GRM8: variants seen among roughly 807,000 people sequenced by gnomAD.
GRM8 encodes the protein metabotropic glutamate receptor 8.
In GRM8, 47 loss-of-function variants were observed where a neutral mutation model predicts 87.2. The ratio of observed to expected loss-of-function variants is 0.54; its 90% CI spans 0.43 to 0.69. The LOEUF (loss-of-function observed/expected upper bound fraction) is 0.69. GRM8 is among the 30% of genes least tolerant of loss of function. The pLI is 0.00. For synonymous variants in GRM8, 396 were observed against 404.5 expected (o/e 0.98, Z 0.25); for missense variants, 1,019 against 1,139.2 (o/e 0.89, Z 1.52).
At chr7:126,603,713 G>A (rs995362688) in intron 8 of GRM8, among the ~76,000 whole-genome samples, 3 of 152,036 alleles carry the variant, frequency 2.0e-5, no homozygotes, top group Non-Finnish European at 4.4e-5. Flanking sequence ...TTCATAGGGT[G>A]AATATGTGTG....
intron 3 of GRM8, among the ~76,000 whole-genome samples, chr7:126,954,249 A>T (rs1048501432): frequency 2.0e-5 from 3 of 152,142 alleles, no homozygotes; most frequent in African/African-American, 7.2e-5. Flanking sequence ...CTGAGGAGTT[A>T]AAAAGGCAGC....
intron 2 of GRM8, among the ~76,000 whole-genome samples, chr7:127,173,061 T>C (rs939796698): frequency 7.2e-5 from 11 of 152,176 alleles, no homozygotes; most frequent in Admixed American, 2.6e-4. Flanking sequence ...AAATAACTAT[T>C]AACCATCTAC....
intron 3 of GRM8, among the ~76,000 whole-genome samples, chr7:126,954,427 A>G (rs1035084215): frequency 3.0e-4 from 45 of 152,132 alleles, no homozygotes; most frequent in Non-Finnish European, 2.6e-4. Context: ...TAGGGTTGCT[A>G]AGTCTAGCAA....
At chr7:127,039,133 T>C (rs1297914523) in intron 3 of GRM8, among the ~76,000 whole-genome samples, 1 of 152,194 alleles carries the variant, frequency 6.6e-6, no homozygotes, top group Non-Finnish European at 1.5e-5. Context: ...AGTAGTTTAG[T>C]AGGTGTTATG....
chr7:127,223,601 C>A (rs1036698980), intron 2 of GRM8, among the ~76,000 whole-genome samples: 3 of 151,862 alleles, frequency 2.0e-5, no homozygotes, highest in Non-Finnish European at 2.9e-5. Context: ...GGAGGCTGGC[C>A]TTTCATCTCT....
At chr7:126,641,421 T>A (rs372507083) in intron 7 of GRM8, among the ~76,000 whole-genome samples, 1 of 152,126 alleles carries the variant, frequency 6.6e-6, no homozygotes, top group African/African-American at 2.4e-5. Context: ...CTTTATTTGG[T>A]AAGAAAGACA....
intron 3 of GRM8, among the ~76,000 whole-genome samples, chr7:127,050,687 T>C (rs1004223459): frequency 1.3e-5 from 2 of 152,194 alleles, no homozygotes; most frequent in Non-Finnish European, 2.9e-5. Context: ...AAAAGAGTTG[T>C]GCATCAAAGA....
chr7:126,525,068 T>C (rs560762788), intron 9 of GRM8, among the ~76,000 whole-genome samples: 1 of 152,314 alleles, frequency 6.6e-6, no homozygotes, highest in African/African-American at 2.4e-5. Context: ...CCTTAGCTGT[T>C]GATGTAGAAT....
At position 126,532,974 on chromosome 7, in the gene GRM8, C is replaced by T; in HGVS notation, c.2408G>A (p.Gly803Asp). 1 of 1,611,210 alleles carries T rather than the reference C, an allele frequency of 6.2e-7. No individual in the cohort carries two copies. The highest frequency in any genetic ancestry group is 1.1e-5 in the South Asian group (1 of 90,872). Residue 803 changes from glycine (G) to aspartate (D), a missense_variant, in exon 9 of 11, where the codon GGT (glycine) becomes GAT (aspartate). Coordinates refer to ENST00000339582, the MANE Select transcript of GRM8 (RefSeq NM_000845.3). ...IWLAFIPIFF[G>D]TAQSAEKMYI... ...TACCTTTTCTGCTGACTGGGCTGTA[C>T]CAAAAAAGATGGGGATGAAAGCTAA...
At position 126,499,250 on chromosome 7, in the gene GRM8, C is replaced by T. The variant is rs528393328; in HGVS notation, c.2430+33702G>A. ...TCTATTTTATTTTTAATTAACAAAC[C>T]ACAATGAGATGTCACCTTCTACCTG... On this transcript the variant is annotated intron_variant, in intron 9 of 10. Transcript: ENST00000339582. 4.0e-5 allele frequency among the ~76,000 whole-genome samples: 6 copies of T among 151,002 alleles called. No homozygotes were observed. The South Asian group carries it at 1.0e-3, about 26-fold the overall frequency.
chr7:127,002,544 G>T (rs1034569833), intron 3 of GRM8, among the ~76,000 whole-genome samples: 1 of 151,648 alleles, frequency 6.6e-6, no homozygotes, highest in Non-Finnish European at 1.5e-5. Context: ...ACTTGAGACA[G>T]AATTTAGGAA....
rs966759053 is a variant in GRM8, at chr7:126,533,575, C to T, written c.1807G>A (p.Val603Met). ...GTGTCATTATAGCGGACAAAGGTCA[C>T]GATCACAAAGGTGGTGGCGATGATT... Reference protein sequence around the residue: ...LGIIATTFVIVTFVRYNDTPI... With the variant: ...LGIIATTFVIMTFVRYNDTPI... The change falls in exon 9 of 11, where the codon GTG becomes ATG. Residue 603 changes from valine (V) to methionine (M), a missense_variant. Val to Met is a conservative substitution (Grantham distance 21, BLOSUM62 1). Transcript: ENST00000339582. 1.1e-5 allele frequency: 18 copies of T among 1,614,056 alleles called. No individual in the cohort carries two copies. Among genetic ancestry groups the T allele is most frequent in the South Asian group, 3.3e-5 (3 of 91,080 alleles).
chr7:127,244,536 A>C (rs1798486372), intron 1 of GRM8, among the ~76,000 whole-genome samples: 1 of 152,218 alleles, frequency 6.6e-6, no homozygotes, highest in African/African-American at 2.4e-5. Context: ...TGCACAGCTA[A>C]TTAAGAGAAT....
At chr7:127,035,560 T>C (rs578223509) in intron 3 of GRM8, among the ~76,000 whole-genome samples, 4 of 152,234 alleles carry the variant, frequency 2.6e-5, no homozygotes, top group Non-Finnish European at 5.9e-5. Context: ...TCAGCTTATC[T>C]CTCTAACTAA....
intron 8 of GRM8, among the ~76,000 whole-genome samples, chr7:126,559,675 G>C (rs1353519578): frequency 6.6e-6 from 1 of 152,142 alleles, no homozygotes; most frequent in Non-Finnish European, 1.5e-5. Context: ...AGTGTGTTTA[G>C]AATCAGAACT....
At chr7:126,608,012 A>G (rs1008924654) in intron 8 of GRM8, among the ~76,000 whole-genome samples, 1 of 152,096 alleles carries the variant, frequency 6.6e-6, no homozygotes, top group Non-Finnish European at 1.5e-5. Context: ...CTGAGACTAC[A>G]GAACGTGCTC....
At chr7:126,689,206 CCT>C (rs1227887614) in intron 7 of GRM8, among the ~76,000 whole-genome samples, 1 of 152,136 alleles carries the variant, frequency 6.6e-6, no homozygotes, top group African/African-American at 2.4e-5. Context: ...GGAATGTGTG[CCT>C]CTCTTGCTGA....
At chr7:126,787,766 T>C (rs951077453) in intron 6 of GRM8, among the ~76,000 whole-genome samples, 1 of 152,130 alleles carries the variant, frequency 6.6e-6, no homozygotes, top group Admixed American at 6.6e-5. Flanking sequence ...TTTTTTTTAT[T>C]TCTATTTCTG....
rs73444929 is a variant in GRM8 at position 126,477,714 on chromosome 7, A to G, written c.2431-31342T>C. Among the ~76,000 whole-genome samples the G allele has an allele frequency of 5.7e-3, 867 of 151,968 alleles. 15 individuals are homozygous for G. Among genetic ancestry groups the G allele is most frequent in the African/African-American group, 0.02 (815 of 41,486 alleles). On this transcript the variant is annotated intron_variant, in intron 9 of 10. Coordinates refer to ENST00000339582, the MANE Select transcript of GRM8 (RefSeq NM_000845.3). Reference sequence around the variant, plus strand: ...GGAGTGATGAAGGGAGGGAGAAAGGAAGGAAAGAAGGAAAGGAGGGAAAAA... The same window carrying G: ...GGAGTGATGAAGGGAGGGAGAAAGGGAGGAAAGAAGGAAAGGAGGGAAAAA...
Sources: gnomAD v4.1 joint callset for allele counts (sites outside exome capture counted in the v4.1 genomes callset) on GRCh38, gnomAD v4.1.1 for gene constraint, MANE v1.5 for transcripts, NCBI Gene and HGNC (gene_info 2026-07-23, HGNC 2026-07-21) for gene names.